PCDHGA5: variants seen among roughly 807,000 people sequenced by gnomAD.
PCDHGA5 encodes the protein protocadherin gamma subfamily A, 5, also known as protocadherin gamma-A5.
Under a neutral mutation model 56.7 loss-of-function variants are expected in PCDHGA5, and 36 were observed. The observed-to-expected ratio is 0.64, with a 90% CI of 0.49 to 0.84. PCDHGA5 has a LOEUF of 0.84. PCDHGA5 is among the 40% of genes least tolerant of loss of function. PCDHGA5 has a pLI of 0.00. For missense variants in PCDHGA5, 1,305 were observed against 1,201.5 expected (o/e 1.09, Z -1.27); for synonymous variants, 563 against 520.2 (o/e 1.08, Z -1.12).
At chr5:141,422,206 G>C (rs1269700250) in intron 1 of PCDHGA5, 2 of 1,562,442 alleles carry the variant, frequency 1.3e-6, no homozygotes, top group East Asian at 4.5e-5. Context: ...AGATGGTGGA[G>C]GTCTCTTTAC....
intron 1 of PCDHGA5, chr5:141,404,997 C>A (rs2154535986): frequency 6.2e-7 from 1 of 1,614,034 alleles, no homozygotes; most frequent in East Asian, 2.2e-5. Context: ...CAGATCCCTG[C>A]AGACCTGGAG....
At chr5:141,421,119 C>T (rs542039688) in intron 1 of PCDHGA5, 1 of 772,768 alleles carries the variant, frequency 1.3e-6, no homozygotes, top group Non-Finnish European at 2.0e-6. Flanking sequence ...TATTTTCCTT[C>T]GCTTTCTGAT....
chr5:141,431,020 G>A lies in PCDHGA5; in HGVS notation c.2422-63787G>A, dbSNP rs941765907. On this transcript the variant is annotated intron_variant, in intron 1 of 3. Transcript: ENST00000518069. This position sits in a 1 kb window ranked among gnomAD's most constrained non-coding sequence, Gnocchi z 4.8. ...CGCGCAGCGGCAGCTTGGTCACGGC[G>A]GGCAGGATAGACCGGGAGGAGCTCT... The A allele has an allele frequency of 9.9e-6, 16 of 1,614,050 alleles. No homozygotes were observed. Among genetic ancestry groups the A allele is most frequent in the East Asian group, 4.5e-5 (2 of 44,886 alleles).
chr5:141,421,665 C>T, intron 1 of PCDHGA5: 1 of 1,613,854 alleles, frequency 6.2e-7, no homozygotes, highest in African/African-American at 1.3e-5. Context: ...TCAGTGAGCA[C>T]GCAATTCCTG....
intron 1 of PCDHGA5, chr5:141,418,445 T>C (rs2154547687): frequency 2.5e-6 from 4 of 1,614,038 alleles, no homozygotes; most frequent in East Asian, 2.2e-5. Context: ...AGAATTAGTA[T>C]TGCAGAAGAC....
chr5:141,409,872 A>G (rs1283725014), intron 1 of PCDHGA5: 1 of 1,612,710 alleles, frequency 6.2e-7, no homozygotes, highest in Non-Finnish European at 8.5e-7. Flanking sequence ...GACCGCAATG[A>G]CAACGCACCG....
At chr5:141,388,486 A>G in intron 1 of PCDHGA5, 1 of 1,613,858 alleles carries the variant, frequency 6.2e-7, no homozygotes, top group Non-Finnish European at 8.5e-7. Context: ...ACACCTTTGG[A>G]CAGAGAAAAG....
intron 1 of PCDHGA5, chr5:141,375,379 G>C (rs763011403): frequency 1.2e-6 from 2 of 1,613,794 alleles, no homozygotes; most frequent in Non-Finnish European, 1.7e-6. Context: ...CACCACCTCT[G>C]TCTACAGAAA....
chr5:141,389,541 C>A, intron 1 of PCDHGA5: 2 of 1,613,242 alleles, frequency 1.2e-6, no homozygotes, highest in Non-Finnish European at 1.7e-6. Context: ...AGTGGACGAC[C>A]GCAACGACAA....
chr5:141,413,139 C>A, intron 1 of PCDHGA5: 1 of 1,553,028 alleles, frequency 6.4e-7, no homozygotes. Context: ...ACAACGTGTC[C>A]AGTGAGGACT....
At chr5:141,478,339 C>A in intron 1 of PCDHGA5, 1 of 1,613,918 alleles carries the variant, frequency 6.2e-7, no homozygotes, top group Admixed American at 1.7e-5. Flanking sequence ...CAGGGCCCTC[C>A]TTGCACGCGG....
chr5:141,379,251 C>T (rs569528172), intron 1 of PCDHGA5: 1 of 152,224 alleles, frequency 6.6e-6, no homozygotes, highest in African/African-American at 2.4e-5. Flanking sequence ...GTGGTATTTA[C>T]ATTTAAGGAA....
intron 1 of PCDHGA5, chr5:141,433,253 G>T: frequency 7.1e-7 from 1 of 1,416,466 alleles, no homozygotes; most frequent in South Asian, 1.3e-5. Flanking sequence ...GAATGCAGCG[G>T]TACGATCATA....
rs2098098668 is a variant in PCDHGA5, at chr5:141,439,210, T to C, written c.2422-55597T>C. Among the ~76,000 whole-genome samples the C allele has an allele frequency of 4.0e-5, 6 of 150,296 alleles. No homozygotes were observed. The Middle Eastern group carries it at 0.014, about 343-fold the overall frequency. On this transcript the variant is annotated intron_variant, in intron 1 of 3. Transcript: ENST00000518069. The stretch of plus-strand genomic sequence containing the variant: ...TCTGACAAAAAAAAAAAAAAATCCA[T>C]ATGTGAAAATTCTTAGAAGCTTCCT...
chr5:141,448,335 A>T (rs567377336), intron 1 of PCDHGA5, among the ~76,000 whole-genome samples: 1 of 152,108 alleles, frequency 6.6e-6, no homozygotes, highest in Non-Finnish European at 1.5e-5. Flanking sequence ...CTTTATAGCC[A>T]TGTACCTCAA....
Position 141,374,705 on chromosome 5 carries a change from T to A in PCDHGA5, c.2421+7954T>A, listed in dbSNP as rs188037010. On this transcript the variant is annotated intron_variant, in intron 1 of 3. Coordinates refer to ENST00000518069, the MANE Select transcript of PCDHGA5 (RefSeq NM_018918.3). ...ACTGGACCGGGAAGGAGAAGCCGTTTACCGCCTGGTCCTTACTGCCATGGA... is the reference window on the plus strand; with the variant it reads ...ACTGGACCGGGAAGGAGAAGCCGTTAACCGCCTGGTCCTTACTGCCATGGA... 8 of 1,609,374 alleles carry A rather than the reference T, an allele frequency of 5.0e-6. No homozygotes were observed. In the African/African-American group the frequency reaches 8.0e-5, roughly 16 times the overall value.
intron 1 of PCDHGA5, chr5:141,396,033 C>T (rs191318626): frequency 1.3e-5 from 2 of 152,280 alleles, no homozygotes; most frequent in East Asian, 3.9e-4. Context: ...TATGTAAGAA[C>T]ATATTTCAAT....
intron 1 of PCDHGA5, chr5:141,375,428 C>A (rs749307933): frequency 2.5e-6 from 4 of 1,613,984 alleles, no homozygotes; most frequent in East Asian, 2.2e-5. Flanking sequence ...CAACGACAAC[C>A]CGCCCACCTT....
At chr5:141,370,645 T>TA in intron 1 of PCDHGA5, 1 of 1,613,922 alleles carries the variant, frequency 6.2e-7, no homozygotes, top group Non-Finnish European at 8.5e-7. Flanking sequence ...AATGGGAACT[T>TA]ACTTGTGAGC....
Sources: allele counts gnomAD v4.1 joint callset (sites outside exome capture counted in the v4.1 genomes callset), GRCh38; gene constraint gnomAD v4.1.1; non-coding constraint Gnocchi (gnomAD v3.1); transcripts MANE v1.5; gene names NCBI Gene and HGNC (gene_info 2026-07-23, HGNC 2026-07-21).